C3: variants seen among roughly 807,000 people sequenced by gnomAD.
C3 encodes the protein C3 and PZP-like alpha-2-macroglobulin domain-containing protein 1.
C3 carries 97 observed loss-of-function variants against 207.9 expected under a neutral mutation model. That is an observed-to-expected ratio of 0.47 (90% confidence interval 0.40 to 0.55). C3 has a LOEUF of 0.55. C3 is among the 20% of genes least tolerant of loss of function. The pLI is 0.00. For missense variants in C3, 1,684 were observed against 2,171.7 expected (o/e 0.78, Z 4.46); for synonymous variants, 848 against 857.6 (o/e 0.99, Z 0.20).
intron 26 of C3, among the ~76,000 whole-genome samples, chr19:6,691,182 T>C (rs1918158181): frequency 6.6e-6 from 1 of 151,514 alleles, no homozygotes; most frequent in African/African-American, 2.4e-5. Context: ...GCCTCCGAAG[T>C]AGCTGGGATT....
In C3 at chr19:6,711,235, G is replaced by A. The variant is rs375029758; in HGVS notation, c.1270-39C>T. 41 of 1,553,132 alleles carry A rather than the reference G, an allele frequency of 2.6e-5. No individual in the cohort carries two copies. In the African/African-American group the frequency reaches 3.5e-4, roughly 13 times the overall value. On this transcript the variant is annotated intron_variant, in intron 11 of 40. Transcript: ENST00000245907. ...GAGGGATGCCTGCTGGTCGCCGCCC[G>A]AGGATACCCACACCCGAATCCCTGA...
intron 23 of C3, among the ~76,000 whole-genome samples, chr19:6,695,076 G>T (rs1318930418): frequency 6.6e-6 from 1 of 151,906 alleles, no homozygotes; most frequent in East Asian, 1.9e-4. Flanking sequence ...TTCAAGACCA[G>T]CCTGACCAAT....
Position 6,713,463 on chromosome 19 carries a change from C to T in C3, c.820G>A (p.Gly274Arg). Reference sequence around the variant, plus strand: ...ATCCTCTGTTCGCCATCCTGGATCCCGAAGATGACAAAGGCAGTTCCCTCC... The same window carrying T: ...ATCCTCTGTTCGCCATCCTGGATCCTGAAGATGACAAAGGCAGTTCCCTCC... The part of the protein sequence containing the change: ...KVEGTAFVIF[G>R]IQDGEQRISL... Residue 274 changes from glycine (G) to arginine (R), a missense_variant, in exon 8 of 41, where the codon GGG becomes AGG. This residue lies in a region of C3 where 1,280 missense variants were observed against 1,739.1 expected (regional missense o/e 0.74). Coordinates refer to ENST00000245907, the MANE Select transcript of C3 (RefSeq NM_000064.4). 2.5e-6 allele frequency: 4 copies of T among 1,613,910 alleles called. No individual in the cohort carries two copies. Among genetic ancestry groups the T allele is most frequent in the South Asian group, 1.1e-5 (1 of 91,076 alleles).
intron 23 of C3, 77 bp from the exon 24 acceptor site, chr19:6,694,711 C>G (rs1918264726): frequency 7.2e-7 from 1 of 1,384,102 alleles, no homozygotes; most frequent in Non-Finnish European, 1.0e-6. Flanking sequence ...AGGGTTCCAG[C>G]CTCCCAACCA....
In C3 at chr19:6,682,084, A is replaced by C. The variant is rs1917878960; in HGVS notation, c.4261-54T>G. On this transcript the variant is annotated intron_variant, in intron 34 of 40. Transcript: ENST00000245907. ...CCCTCCTGGACCCCTCTCTCCCTGC[A>C]GCCTCTTCCAGAACCCAGGCTCCTT... The C allele has an allele frequency of 1.9e-6, 3 of 1,602,298 alleles. No individual in the cohort carries two copies. In the Admixed American group the frequency reaches 5.0e-5, roughly 27 times the overall value.
At chr19:6,679,903 A>G (rs1343660604) in intron 36 of C3, among the ~76,000 whole-genome samples, 1 of 152,054 alleles carries the variant, frequency 6.6e-6, no homozygotes, top group African/African-American at 2.4e-5. Context: ...TGGGACTCTC[A>G]GACCCTGGGA....
In C3 at chr19:6,697,472, G is replaced by C. The variant is rs531463049; in HGVS notation, c.2668C>G (p.Pro890Ala). 3.1e-6 allele frequency: 5 copies of C among 1,613,974 alleles called. No individual in the cohort carries two copies. The highest frequency in any genetic ancestry group is 2.2e-5 in the East Asian group (1 of 44,884). Residue 890 changes from proline to alanine, a missense_variant, in exon 21 of 41, where the codon CCC becomes GCC. Pro to Ala is a conservative substitution (Grantham distance 27, BLOSUM62 -1). Coordinates refer to ENST00000245907, the MANE Select transcript of C3 (RefSeq NM_000064.4). The part of the protein sequence containing the change: ...RRHQQTVTIP[P>A]KSSLSVPYVI... ...TATGGAACGGACAACGAGGACTTGG[G>C]GGGGATGGTTACGGTCTGCTGGTGA... is the stretch of plus-strand genomic sequence containing the variant.
rs781541367 is a variant in C3, at chr19:6,690,706, C to T, written c.3412G>A (p.Glu1138Lys). ...AAGGCCGTGAGGGCCATGTCTTTCT[C>T]GTTGTTGTTCCGTAATCCACCCTGA... Reference protein sequence around the residue: ...EMIGGLRNNNEKDMALTAFVL... With the variant: ...EMIGGLRNNNKKDMALTAFVL... The change falls in exon 27 of 41, where the codon GAG (glutamate) becomes AAG (lysine). Residue 1138 changes from glutamate to lysine, a missense_variant. By Grantham distance (56) the Glu-to-Lys change is moderately conservative (BLOSUM62 1). Around this residue, in one of 3 missense-constraint regions of C3, gnomAD observed 1,280 missense variants for 1,739.1 expected, o/e 0.74. Coordinates refer to ENST00000245907, the MANE Select transcript of C3 (RefSeq NM_000064.4). 4 of 1,614,192 alleles carry T rather than the reference C, an allele frequency of 2.5e-6. No individual in the cohort carries two copies. Among genetic ancestry groups the T allele is most frequent in the East Asian group, 4.5e-5 (2 of 44,894 alleles).
chr19:6,697,247 AGT>A, intron 21 of C3, 95 bp downstream of exon 21: 1 of 891,136 alleles, frequency 1.1e-6, no homozygotes, highest in East Asian at 2.5e-5. Flanking sequence ...TATGATTCTT[AGT>A]GTCTCAGAGC....
chr19:6,696,088 T>C (rs1336047152), intron 23 of C3, among the ~76,000 whole-genome samples: 1 of 151,076 alleles, frequency 6.6e-6, no homozygotes, highest in Non-Finnish European at 1.5e-5. Context: ...CGGGTGGCTG[T>C]AGTCCCAGCT....
chr19:6,684,654 G>A lies in C3; in HGVS notation c.4030-4C>T, dbSNP rs372612816. 189 of 1,611,740 alleles carry A rather than the reference G, an allele frequency of 1.2e-4. No individual in the cohort carries two copies. Among genetic ancestry groups the A allele is most frequent in the Non-Finnish European group, 1.3e-4 (154 of 1,177,942 alleles). On this transcript the variant is annotated splice_region_variant and splice_polypyrimidine_tract_variant and intron_variant, in intron 31 of 40. Coordinates refer to ENST00000245907, the MANE Select transcript of C3 (RefSeq NM_000064.4). The stretch of plus-strand genomic sequence containing the variant: ...TAGCATGGTACATTGTCACCACCTG[G>A]TAAGATGGGAGAGGAGACACAATGT...
chr19:6,719,491 T>G lies in C3; in HGVS notation c.75-88A>C. 8.2e-7 allele frequency: 1 copy of G among 1,216,962 alleles called. No homozygotes were observed. The highest frequency in any genetic ancestry group is 1.2e-6 in the Non-Finnish European group (1 of 838,152). The allele number at this position is 1,216,962 out of a possible 1,614,324, so 75.4% of individuals were successfully genotyped here. ...TGGAGTCAGCGCCTGGCAGGCTGTG[T>G]GCCCCAGCCTCTGGTCCTGGAGAGG... On this transcript the variant is annotated intron_variant, in intron 1 of 40. Coordinates refer to ENST00000245907, the MANE Select transcript of C3 (RefSeq NM_000064.4). The surrounding 1 kb of genome is among the most constrained non-coding windows in gnomAD (Gnocchi z 5.4).
intron 17 of C3, among the ~76,000 whole-genome samples, chr19:6,703,089 C>T (rs1967708298): frequency 6.6e-6 from 1 of 152,110 alleles, no homozygotes; most frequent in Admixed American, 6.6e-5. Flanking sequence ...TCAGCGGTCA[C>T]ACCTTTAGAT....
intron 24 of C3, among the ~76,000 whole-genome samples, chr19:6,693,982 G>A (rs112810760): frequency 3.1e-4 from 40 of 128,328 alleles, no homozygotes; most frequent in African/African-American, 1.3e-3. Flanking sequence ...AGGCCCTCAG[G>A]GGATGGGCAT....
At chr19:6,691,842 G>A (rs918226679) in intron 26 of C3, among the ~76,000 whole-genome samples, 5 of 152,014 alleles carry the variant, frequency 3.3e-5, no homozygotes, top group Non-Finnish European at 7.4e-5. Flanking sequence ...AAAATCAGCT[G>A]GGCATGGTGG....
intron 29 of C3, 60 bp downstream of exon 29, chr19:6,686,064 G>A: frequency 4.5e-6 from 7 of 1,551,598 alleles, no homozygotes; most frequent in Non-Finnish European, 6.2e-6. Context: ...TCTCTAGGAG[G>A]CCAGTGGGAA....
rs1028993127 is a variant in C3, at chr19:6,701,475, G to A, written c.2440+652C>T. Among the ~76,000 whole-genome samples, 7 of 152,220 alleles carry A rather than the reference G, an allele frequency of 4.6e-5. No individual in the cohort carries two copies. In the East Asian group the frequency reaches 9.6e-4, roughly 21 times the overall value. ...TACCAGCAGTATCTGCTGCTGGCTC[G>A]TTCTGTTGAGCAGCCATGTCTGTGT... On this transcript the variant is annotated intron_variant, in intron 19 of 40. Transcript: ENST00000245907.
intron 19 of C3, among the ~76,000 whole-genome samples, chr19:6,701,498 TGTC>T (rs1434015956): frequency 6.6e-6 from 1 of 152,134 alleles, no homozygotes; most frequent in African/African-American, 2.4e-5. Flanking sequence ...GCCATGTCTG[TGTC>T]GTCTTTCAGA....
intron 4 of C3, among the ~76,000 whole-genome samples, chr19:6,714,998 A>G (rs898309784): frequency 6.6e-5 from 10 of 152,316 alleles, no homozygotes; most frequent in African/African-American, 2.4e-4. Context: ...GGAGATTATA[A>G]TGGCACCTAC....
Sources: gnomAD v4.1 joint callset for allele counts (sites outside exome capture counted in the v4.1 genomes callset) on GRCh38, gnomAD v4.1.1 for gene constraint, gnomAD v4.1.1 regional missense constraint, Gnocchi (gnomAD v3.1) non-coding constraint, MANE v1.5 for transcripts, NCBI Gene and HGNC (gene_info 2026-07-23, HGNC 2026-07-21) for gene names.